PIBF1: variants seen among roughly 807,000 people sequenced by gnomAD.
PIBF1 encodes progesterone-induced-blocking factor 1.
In PIBF1, 90 loss-of-function variants were observed where a neutral mutation model predicts 112.5. The observed-to-expected ratio is 0.80, with a 90% CI of 0.67 to 0.95. PIBF1 has a LOEUF of 0.95. PIBF1 is among the 40% of genes least tolerant of loss of function. The probability of loss-of-function intolerance (pLI) is 0.00; values close to 1 mark genes in which losing one functional copy is unlikely to be tolerated. For missense variants in PIBF1, 915 were observed against 852.3 expected, an observed-to-expected ratio of 1.07 and a Z score of -0.92; for synonymous variants, 301 against 288.6, an observed-to-expected ratio of 1.04 and a Z score of -0.44.
At chr13:72,783,969 A>G (rs920715015) in intron 2 of PIBF1, among the ~76,000 whole-genome samples, 2 of 151,270 alleles carry the variant, frequency 1.3e-5, no homozygotes, top group African/African-American at 4.9e-5. Context: ...ATTACAGTTG[A>G]ATAGGAGGAA....
intron 16 of PIBF1, among the ~76,000 whole-genome samples, chr13:72,982,641 A>G (rs1425791296): frequency 6.6e-6 from 1 of 152,182 alleles, no homozygotes; most frequent in African/African-American, 2.4e-5. Context: ...TTAGCACAAT[A>G]TTTAGCAGAT....
chr13:72,934,578 C>G (rs2041807817), intron 14 of PIBF1, among the ~76,000 whole-genome samples: 1 of 152,102 alleles, frequency 6.6e-6, no homozygotes, highest in African/African-American at 2.4e-5. Flanking sequence ...TTTGATAATA[C>G]ACAGATGAAA....
chr13:72,926,254 T>G (rs1445211618), intron 13 of PIBF1, among the ~76,000 whole-genome samples: 1 of 152,202 alleles, frequency 6.6e-6, no homozygotes, highest in African/African-American at 2.4e-5. Context: ...GGGAAAAAAT[T>G]TGAGTACACA....
At chr13:73,013,620 C>T (rs547219822) in intron 17 of PIBF1, among the ~76,000 whole-genome samples, 9 of 150,928 alleles carry the variant, frequency 6.0e-5, no homozygotes, top group Non-Finnish European at 1.2e-4. Flanking sequence ...ACCCATATTC[C>T]CAGGTACTCG....
At position 72,798,014 on chromosome 13, in the gene PIBF1, G is replaced by A. The variant is rs377462930; in HGVS notation, c.660G>A (p.Lys220=). ...EELSTNKNQL[K]QLTETYEEDR... Reference sequence around the variant, plus strand: ...TAAGTACAAACAAAAACCAACTGAAGCAGCTGACAGAGGTTTGTATGGTTT... The same window carrying A: ...TAAGTACAAACAAAAACCAACTGAAACAGCTGACAGAGGTTTGTATGGTTT... The change falls in exon 5 of 18, where the codon AAG becomes AAA. Residue 220 remains lysine (K), a synonymous_variant. Transcript: ENST00000326291. The A allele has an allele frequency of 7.5e-6, 12 of 1,603,540 alleles. No individual in the cohort carries two copies. Among genetic ancestry groups the A allele is most frequent in the South Asian group, 4.5e-5 (4 of 88,324 alleles).
rs191940267 is a variant in PIBF1, at chr13:72,935,728, A to T, written c.1833+4461A>T. 9.2e-5 allele frequency among the ~76,000 whole-genome samples: 14 copies of T among 152,264 alleles called. No individual in the cohort carries two copies. The East Asian group carries it at 2.5e-3, about 27-fold the overall frequency. ...ATGGTTAGTTTTTTTATCCACTATAATGGGTGTGTAGTGGCATATTAGTGT... is the reference window on the plus strand; with the variant it reads ...ATGGTTAGTTTTTTTATCCACTATATTGGGTGTGTAGTGGCATATTAGTGT... On this transcript the variant is annotated intron_variant, in intron 14 of 17. Transcript: ENST00000326291.
Position 72,903,040 on chromosome 13 carries a change from C to T in PIBF1, c.1489-5491C>T, listed in dbSNP as rs944371018. On this transcript the variant is annotated intron_variant, in intron 11 of 17. Coordinates refer to ENST00000326291, the MANE Select transcript of PIBF1 (RefSeq NM_006346.4). The stretch of plus-strand genomic sequence containing the variant: ...CCTCCCGAGTAGCTAAGATTACAGG[C>T]GTGCACCACCACGCCCAGCTAATGT... Among the ~76,000 whole-genome samples, 7 of 152,048 alleles carry T rather than the reference C, an allele frequency of 4.6e-5. No homozygotes were observed. The South Asian group carries it at 6.2e-4, about 14-fold the overall frequency.
chr13:72,847,000 A>G (rs1264502626), intron 9 of PIBF1, among the ~76,000 whole-genome samples: 1 of 152,208 alleles, frequency 6.6e-6, no homozygotes, highest in Admixed American at 6.5e-5. Context: ...TCAAAGGTTT[A>G]TAATGGATTT....
At chr13:72,927,992 C>CATATATATACATATATATATAT (rs1566458232) in intron 13 of PIBF1, among the ~76,000 whole-genome samples, 1 of 50,754 alleles carries the variant, frequency 2.0e-5, no homozygotes, top group Non-Finnish European at 3.8e-5. Flanking sequence ...TATATATACA[C>CATATATATACATATATATATAT]ACACATATAT....
At chr13:72,873,773 T>TAAA in intron 10 of PIBF1, among the ~76,000 whole-genome samples, 1 of 149,090 alleles carries the variant, frequency 6.7e-6, no homozygotes, top group South Asian at 2.1e-4. Context: ...TTACTCAAAA[T>TAAA]AAAAAAAAAA....
At chr13:72,889,407 A>C (rs1303386062) in intron 10 of PIBF1, among the ~76,000 whole-genome samples, 1 of 152,164 alleles carries the variant, frequency 6.6e-6, no homozygotes, top group Non-Finnish European at 1.5e-5. Flanking sequence ...TTTCCTGCCC[A>C]CACAAAAGAC....
intron 5 of PIBF1, among the ~76,000 whole-genome samples, chr13:72,808,385 C>T (rs906552961): frequency 1.3e-5 from 2 of 152,172 alleles, no homozygotes; most frequent in Non-Finnish European, 2.9e-5. Flanking sequence ...AAATGGGTCA[C>T]ATGTTCCTCT....
At chr13:72,852,036 T>C (rs2147807) in intron 9 of PIBF1, among the ~76,000 whole-genome samples, 113,438 of 152,080 alleles carry the variant, frequency 0.75, 42,710 homozygotes, top group African/African-American at 0.82. Context: ...CACCTCTTTG[T>C]CTTATTCATG....
At chr13:72,931,718 G>GTATATATATATATATATATATA (rs3077704) in intron 14 of PIBF1, among the ~76,000 whole-genome samples, 1,274 of 101,472 alleles carry the variant, frequency 0.013, 49 homozygotes, top group Non-Finnish European at 0.016. Context: ...TTTAAACTAC[G>GTATATATATATATATATATATA]TATATATATA....
chr13:72,799,038 T>C (rs1383529785), intron 5 of PIBF1, among the ~76,000 whole-genome samples: 1 of 152,216 alleles, frequency 6.6e-6, no homozygotes, highest in Non-Finnish European at 1.5e-5. Flanking sequence ...ATGCCTGCCC[T>C]TCTAGAGTTT....
At chr13:72,885,592 A>G (rs1361977585) in intron 10 of PIBF1, among the ~76,000 whole-genome samples, 1 of 152,140 alleles carries the variant, frequency 6.6e-6, no homozygotes, top group Non-Finnish European at 1.5e-5. Flanking sequence ...TGGATTAGAC[A>G]AGATTCCTGC....
At chr13:72,861,440 A>G (rs1323300678) in intron 10 of PIBF1, among the ~76,000 whole-genome samples, 1 of 152,176 alleles carries the variant, frequency 6.6e-6, no homozygotes, top group Non-Finnish European at 1.5e-5. Flanking sequence ...GTATTAGTAC[A>G]AGGCCAAAAT....
In PIBF1 at chr13:72,854,091, G is replaced by A. The variant is rs1312279095; in HGVS notation, c.1258G>A (p.Glu420Lys). Reference sequence around the variant, plus strand: ...AGAAGCAAGGGATAATGCTGTGGCTGAAAAGGAACGAGCAGTGATGGCTGA... The same window carrying A: ...AGAAGCAAGGGATAATGCTGTGGCTAAAAAGGAACGAGCAGTGATGGCTGA... ...LREARDNAVA[E>K]KERAVMAEKD... is the part of the protein sequence containing the mutation. Residue 420 changes from glutamate (E) to lysine (K), a missense_variant, in exon 10 of 18, where the codon GAA (glutamate) becomes AAA (lysine). Coordinates refer to ENST00000326291, the MANE Select transcript of PIBF1 (RefSeq NM_006346.4). 1 of 1,613,426 alleles carries A rather than the reference G, an allele frequency of 6.2e-7. No homozygotes were observed. Among genetic ancestry groups the A allele is most frequent in the South Asian group, 1.1e-5 (1 of 91,056 alleles).
chr13:73,008,846 C>T (rs1338473174), intron 17 of PIBF1, among the ~76,000 whole-genome samples: 1 of 152,108 alleles, frequency 6.6e-6, no homozygotes, highest in African/African-American at 2.4e-5. Flanking sequence ...GAGACACTTC[C>T]CTGCATGCTG....
Sources: gnomAD v4.1 joint callset for allele counts (sites outside exome capture counted in the v4.1 genomes callset) on GRCh38, gnomAD v4.1.1 for gene constraint, MANE v1.5 for transcripts, NCBI Gene and HGNC (gene_info 2026-07-23, HGNC 2026-07-21) for gene names.